Variants in NXPE2 observed in about 807,000 individuals in gnomAD.
The protein encoded by NXPE2 is NXPE family member 2.
In NXPE2, 34 loss-of-function variants were observed where a neutral mutation model predicts 34.4. The ratio of observed to expected loss-of-function variants is 0.99; its 90% CI spans 0.75 to 1.31. NXPE2 has a LOEUF of 1.31. Among genes scored for constraint, NXPE2 ranks in the 40% most tolerant of loss-of-function variants. The probability of loss-of-function intolerance (pLI) is 0.00; values close to 1 mark genes in which losing one functional copy is unlikely to be tolerated. For synonymous variants in NXPE2, 235 were observed against 231.3 expected (o/e 1.02, Z -0.15); for missense variants, 649 against 672.5 (o/e 0.97, Z 0.39).
chr11:114,766,814 C>T, the NXPE2 span, among the ~76,000 whole-genome samples: 47 of 152,236 alleles, frequency 3.1e-4, no homozygotes, highest in Non-Finnish European at 5.1e-4. Flanking sequence ...TTCCAATTAA[C>T]TCATGATCTC....
chr11:114,780,916 G>A, the NXPE2 span, among the ~76,000 whole-genome samples: 2 of 152,278 alleles, frequency 1.3e-5, no homozygotes, highest in East Asian at 3.9e-4. Context: ...TGTGGCGTTG[G>A]GGGAGGAGAG....
At chr11:114,731,519 A>G in the NXPE2 span, among the ~76,000 whole-genome samples, 1 of 152,248 alleles carries the variant, frequency 6.6e-6, no homozygotes, top group Non-Finnish European at 1.5e-5. Context: ...TGGTACATCC[A>G]TACTATGGAA....
At chr11:114,607,097 G>A in the NXPE2 span, among the ~76,000 whole-genome samples, 14 of 150,260 alleles carry the variant, frequency 9.3e-5, no homozygotes, top group Admixed American at 1.3e-4. Context: ...GTATTGCCTC[G>A]TGAGTAACCA....
chr11:114,553,931 G>C, the NXPE2 span: 2 of 985,316 alleles, frequency 2.0e-6, no homozygotes, highest in South Asian at 4.7e-5. Context: ...TTTTGTTTTT[G>C]TTTTCTGGGA....
chr11:114,757,415 C>T, the NXPE2 span, among the ~76,000 whole-genome samples: 3 of 151,476 alleles, frequency 2.0e-5, no homozygotes, highest in Admixed American at 1.3e-4. Context: ...GTTTTGGTGA[C>T]ATTTCTACTG....
At chr11:114,746,713 T>C in the NXPE2 span, among the ~76,000 whole-genome samples, 3 of 152,056 alleles carry the variant, frequency 2.0e-5, no homozygotes, top group Admixed American at 2.0e-4. Context: ...TAGCTGGGCT[T>C]CCTGGCCCGC....
the NXPE2 span, among the ~76,000 whole-genome samples, chr11:114,670,518 A>T: frequency 6.6e-6 from 1 of 151,750 alleles, no homozygotes; most frequent in Non-Finnish European, 1.5e-5. Context: ...ACAGCAAGAC[A>T]TCATCTCTAC....
chr11:114,544,571 T>A, the NXPE2 span, among the ~76,000 whole-genome samples: 1 of 152,098 alleles, frequency 6.6e-6, no homozygotes, highest in Admixed American at 6.6e-5. Flanking sequence ...GACAGAAAAG[T>A]TAACTCTAAA....
chr11:114,570,782 T>G, the NXPE2 span: 1 of 552,970 alleles, frequency 1.8e-6, no homozygotes, highest in South Asian at 2.9e-5. Context: ...TAGAAACATC[T>G]CATTTAGCTG....
At chr11:114,548,236 C>A in the NXPE2 span, among the ~76,000 whole-genome samples, 1 of 152,012 alleles carries the variant, frequency 6.6e-6, no homozygotes, top group Non-Finnish European at 1.5e-5. Context: ...TTAAGGATAG[C>A]CACATCTAAT....
At chr11:114,744,580 G>T in the NXPE2 span, among the ~76,000 whole-genome samples, 1 of 152,076 alleles carries the variant, frequency 6.6e-6, no homozygotes, top group Admixed American at 6.6e-5. Flanking sequence ...AGGCTGCGGC[G>T]GGTTGAGTTA....
At chr11:114,684,528 G>A (rs1293238511) in intron 2 of NXPE2, among the ~76,000 whole-genome samples, 1 of 152,176 alleles carries the variant, frequency 6.6e-6, no homozygotes. Context: ...GAAGTATAAA[G>A]CAAGAAGAAA....
At chr11:114,557,450 A>G in the NXPE2 span, among the ~76,000 whole-genome samples, 1 of 151,702 alleles carries the variant, frequency 6.6e-6, no homozygotes, top group Non-Finnish European at 1.5e-5. Flanking sequence ...TTTCAGTTCT[A>G]GAAATATTTA....
At chr11:114,616,040 C>T in the NXPE2 span, among the ~76,000 whole-genome samples, 3 of 151,322 alleles carry the variant, frequency 2.0e-5, no homozygotes, top group South Asian at 6.3e-4. Flanking sequence ...ACCACTCTTA[C>T]CCGGTGGATA....
chr11:114,775,913 A>C, the NXPE2 span, among the ~76,000 whole-genome samples: 1 of 151,762 alleles, frequency 6.6e-6, no homozygotes, highest in Non-Finnish European at 1.5e-5. Flanking sequence ...AGCCACTCTC[A>C]GGGGAATGAA....
At chr11:114,744,311 T>A in the NXPE2 span, among the ~76,000 whole-genome samples, 1 of 152,180 alleles carries the variant, frequency 6.6e-6, no homozygotes, top group East Asian at 1.9e-4. Context: ...AAGGTCAGAG[T>A]GGCGTAGATA....
the NXPE2 span, among the ~76,000 whole-genome samples, chr11:114,748,666 GTTC>G: frequency 6.6e-6 from 1 of 152,102 alleles, no homozygotes; most frequent in African/African-American, 2.4e-5. Context: ...GCGATCCTGT[GTTC>G]TTCTTGTCAC....
At chr11:114,604,344 C>G in the NXPE2 span, among the ~76,000 whole-genome samples, 1 of 152,026 alleles carries the variant, frequency 6.6e-6, no homozygotes, top group Non-Finnish European at 1.5e-5. Context: ...TCGTGGGTAA[C>G]CACTGTTACC....
chr11:114,646,060 T>A, the NXPE2 span, among the ~76,000 whole-genome samples: 1 of 152,160 alleles, frequency 6.6e-6, no homozygotes, highest in Non-Finnish European at 1.5e-5. Flanking sequence ...TGATATGATC[T>A]GCAAATAATG....
Sources: gnomAD v4.1 joint callset for allele counts (sites outside exome capture counted in the v4.1 genomes callset) on GRCh38, gnomAD v4.1.1 for gene constraint, MANE v1.5 for transcripts, NCBI Gene and HGNC (gene_info 2026-07-23, HGNC 2026-07-21) for gene names.